The following ZMAT4 variants were observed in gnomAD, a reference collection of about 807,000 sequenced individuals.
ZMAT4 encodes zinc finger matrin-type protein 4.
In ZMAT4, 17 loss-of-function variants were observed where a neutral mutation model predicts 28.7. The ratio of observed to expected loss-of-function variants is 0.59; its 90% CI spans 0.41 to 0.89. The LOEUF is 0.89. Among genes scored for constraint, ZMAT4 ranks in the 40% least tolerant of loss-of-function variants. ZMAT4 has a pLI of 0.00. For synonymous variants in ZMAT4, 117 were observed against 109.2 expected (o/e 1.07, Z -0.44); for missense variants, 240 against 283.8 (o/e 0.85, Z 1.11).
intron 3 of ZMAT4, among the ~76,000 whole-genome samples, chr8:40,754,093 AC>A (rs1022018744): frequency 6.6e-6 from 1 of 151,176 alleles, no homozygotes; most frequent in African/African-American, 2.4e-5. Context: ...AATTGATTGA[AC>A]CCGGGAGGCA....
intron 3 of ZMAT4, among the ~76,000 whole-genome samples, chr8:40,739,094 A>G (rs1260247638): frequency 1.3e-5 from 2 of 152,254 alleles, no homozygotes; most frequent in Admixed American, 1.3e-4. Context: ...ACAAAATTAA[A>G]TAATTTTTTC....
chr8:40,559,689 G>A lies in ZMAT4; in HGVS notation c.674+21476C>T, dbSNP rs1803667640. Among the ~76,000 whole-genome samples, 4 of 151,924 alleles carry A rather than the reference G, an allele frequency of 2.6e-5. No individual in the cohort carries two copies. The South Asian group carries it at 6.2e-4, about 24-fold the overall frequency. On this transcript the variant is annotated intron_variant, in intron 6 of 6. Coordinates refer to ENST00000297737, the MANE Select transcript of ZMAT4 (RefSeq NM_024645.3). ...AATTTTTCAGTTGACTCAGTGGATA[G>A]GGCAGAGTTGTAGATATAGAACTGA...
At chr8:40,701,488 G>T (rs908705859) in intron 3 of ZMAT4, among the ~76,000 whole-genome samples, 1 of 150,088 alleles carries the variant, frequency 6.7e-6, no homozygotes, top group African/African-American at 2.5e-5. Flanking sequence ...GACGCTGGTG[G>T]ATACACAACT....
At chr8:40,885,355 G>C (rs1383893557) in intron 1 of ZMAT4, among the ~76,000 whole-genome samples, 2 of 151,796 alleles carry the variant, frequency 1.3e-5, no homozygotes, top group African/African-American at 4.8e-5. Context: ...GTACATCCAG[G>C]ATCTGCCCTC....
intron 2 of ZMAT4, among the ~76,000 whole-genome samples, chr8:40,808,873 C>T (rs147721127): frequency 7.2e-5 from 11 of 151,782 alleles, no homozygotes; most frequent in Non-Finnish European, 5.9e-5. Context: ...AAACTATTCC[C>T]GAACTCTTTC....
chr8:40,811,005 G>A (rs1364052794), intron 2 of ZMAT4, among the ~76,000 whole-genome samples: 2 of 152,182 alleles, frequency 1.3e-5, no homozygotes, highest in Non-Finnish European at 1.5e-5. Context: ...AGGAAAAAAC[G>A]TGAAAGCTGA....
chr8:40,656,901 T>C (rs1005636032), intron 5 of ZMAT4, among the ~76,000 whole-genome samples: 1 of 151,936 alleles, frequency 6.6e-6, no homozygotes, highest in Admixed American at 6.6e-5. Context: ...TAATGGGAAA[T>C]GGTGAAATAC....
At chr8:40,776,569 T>C (rs1471069779) in intron 2 of ZMAT4, among the ~76,000 whole-genome samples, 1 of 152,166 alleles carries the variant, frequency 6.6e-6, no homozygotes, top group African/African-American at 2.4e-5. Context: ...CAGAGTCACA[T>C]GAGAAATAAA....
chr8:40,751,886 T>G (rs947285937), intron 3 of ZMAT4, among the ~76,000 whole-genome samples: 2 of 152,098 alleles, frequency 1.3e-5, no homozygotes, highest in Non-Finnish European at 2.9e-5. Context: ...AATATGAACA[T>G]CAACCCCCCC....
At chr8:40,639,082 T>C (rs1806905626) in intron 5 of ZMAT4, among the ~76,000 whole-genome samples, 1 of 152,194 alleles carries the variant, frequency 6.6e-6, no homozygotes, top group African/African-American at 2.4e-5. Flanking sequence ...GGTGTCTGAC[T>C]CTGCTGCTTC....
At chr8:40,835,960 G>A (rs1177207233) in intron 1 of ZMAT4, among the ~76,000 whole-genome samples, 1 of 152,188 alleles carries the variant, frequency 6.6e-6, no homozygotes, top group Non-Finnish European at 1.5e-5. Context: ...AGTATGTAGA[G>A]TGGCCAAGAC....
intron 5 of ZMAT4, among the ~76,000 whole-genome samples, chr8:40,610,910 A>T (rs1396725419): frequency 4.8e-5 from 7 of 146,190 alleles, no homozygotes; most frequent in African/African-American, 1.8e-4. Flanking sequence ...CTATTCTCAG[A>T]CTTAAAAACC....
intron 5 of ZMAT4, among the ~76,000 whole-genome samples, chr8:40,599,375 G>C (rs1436908706): frequency 6.6e-6 from 1 of 150,528 alleles, no homozygotes; most frequent in East Asian, 1.9e-4. Flanking sequence ...TGTATACACA[G>C]CACATATATA....
chr8:40,719,225 G>A (rs1810977673), intron 3 of ZMAT4, among the ~76,000 whole-genome samples: 1 of 152,112 alleles, frequency 6.6e-6, no homozygotes, highest in South Asian at 2.1e-4. Flanking sequence ...CGAATTATGA[G>A]GTCAGGAGTT....
intron 6 of ZMAT4, among the ~76,000 whole-genome samples, chr8:40,577,905 C>A (rs1455103898): frequency 1.3e-5 from 2 of 151,854 alleles, no homozygotes; most frequent in East Asian, 3.9e-4. Context: ...AAGACCTCTA[C>A]AAAGAACTCT....
intron 2 of ZMAT4, among the ~76,000 whole-genome samples, chr8:40,794,040 C>A (rs755997557): frequency 3.9e-5 from 6 of 152,174 alleles, no homozygotes; most frequent in Non-Finnish European, 5.9e-5. Flanking sequence ...ATTTCCCTTG[C>A]AATTAGTTCT....
chr8:40,671,328 G>C (rs1195862301), intron 5 of ZMAT4, among the ~76,000 whole-genome samples: 1 of 152,060 alleles, frequency 6.6e-6, no homozygotes, highest in African/African-American at 2.4e-5. Context: ...TATTTACCAA[G>C]AGAAGTAAAA....
At chr8:40,550,894 A>G (rs1279114854) in intron 6 of ZMAT4, among the ~76,000 whole-genome samples, 3 of 152,214 alleles carry the variant, frequency 2.0e-5, no homozygotes, top group African/African-American at 7.2e-5. Context: ...TCTCCTCTGG[A>G]AAATAGCTTA....
chr8:40,884,185 G>A (rs371983832), intron 1 of ZMAT4, among the ~76,000 whole-genome samples: 6 of 90,776 alleles, frequency 6.6e-5, no homozygotes, highest in Non-Finnish European at 1.1e-4. Flanking sequence ...CCCCCACCCC[G>A]CCTCACCCAC....
Sources: allele counts gnomAD v4.1 joint callset (sites outside exome capture counted in the v4.1 genomes callset), GRCh38; gene constraint gnomAD v4.1.1; transcripts MANE v1.5; gene names NCBI Gene and HGNC (gene_info 2026-07-23, HGNC 2026-07-21).